Variants in ZNF609 observed in about 807,000 individuals in gnomAD.
The protein encoded by ZNF609 is zinc finger protein 609.
In ZNF609, 11 loss-of-function variants were observed where a neutral mutation model predicts 109.5. The observed-to-expected ratio is 0.10, with a 90% CI of 0.06 to 0.17. The LOEUF is 0.17. Ranked by LOEUF, ZNF609 falls within the 10% of genes least tolerant of loss-of-function variation. The pLI, the probability that ZNF609 is intolerant of heterozygous loss-of-function variation, is 1.00. For synonymous variants in ZNF609, 646 were observed against 662.0 expected (o/e 0.98, Z 0.37); for missense variants, 1,559 against 1,772.4 (o/e 0.88, Z 2.16).
rs141211167 is a variant in ZNF609, at chr15:64,472,385, C to T, written c.-128+11547C>T. Among the ~76,000 whole-genome samples, 6 of 152,238 alleles carry T rather than the reference C, an allele frequency of 3.9e-5. No homozygotes were observed. The East Asian group carries it at 1.2e-3, about 29-fold the overall frequency. Reference sequence around the variant, plus strand: ...GCTGGTACCACATTTCATGCTGGTACCTATAGTTTCTTAGACTGTAGTTCA... The same window carrying T: ...GCTGGTACCACATTTCATGCTGGTATCTATAGTTTCTTAGACTGTAGTTCA... On this transcript the variant is annotated intron_variant, in intron 1 of 9. Transcript: ENST00000326648.
intron 2 of ZNF609, among the ~76,000 whole-genome samples, chr15:64,580,955 CTTTTTTTTTT>C: frequency 1.7e-5 from 1 of 58,748 alleles, no homozygotes; most frequent in African/African-American, 7.8e-5. Flanking sequence ...TCAATGTCTT[CTTTTTTTTTT>C]TTTTTTTTTT....
intron 2 of ZNF609, chr15:64,528,995 T>G (rs1417948591): frequency 1.6e-5 from 24 of 1,511,606 alleles, no homozygotes; most frequent in African/African-American, 2.7e-5. Flanking sequence ...CCAGTGAGCT[T>G]CCCGTTCAGC....
chr15:64,521,749 G>A (rs1214284818), intron 2 of ZNF609, among the ~76,000 whole-genome samples: 1 of 152,130 alleles, frequency 6.6e-6, no homozygotes, highest in Admixed American at 6.5e-5. Flanking sequence ...TAGTGGCTAA[G>A]GAGACCAGTA....
intron 2 of ZNF609, among the ~76,000 whole-genome samples, chr15:64,605,073 C>T (rs535802984): frequency 1.3e-5 from 2 of 152,166 alleles, no homozygotes; most frequent in African/African-American, 4.8e-5. Flanking sequence ...CCTCGTGATC[C>T]GCCCACCTCA....
intron 1 of ZNF609, among the ~76,000 whole-genome samples, chr15:64,489,805 G>A (rs1893386738): frequency 6.6e-6 from 1 of 152,082 alleles, no homozygotes; most frequent in African/African-American, 2.4e-5. Context: ...TGGGATTACA[G>A]GCATGAGTCA....
intron 2 of ZNF609, among the ~76,000 whole-genome samples, chr15:64,507,911 T>C (rs1228994687): frequency 6.6e-6 from 1 of 152,044 alleles, no homozygotes; most frequent in Admixed American, 6.6e-5. Flanking sequence ...CTCGGTACAG[T>C]TTAGTCATGG....
At chr15:64,618,989 C>T (rs1410231066) in intron 2 of ZNF609, among the ~76,000 whole-genome samples, 17 of 152,064 alleles carry the variant, frequency 1.1e-4, no homozygotes, top group Non-Finnish European at 1.5e-5. Context: ...CTGATGGAGC[C>T]CTAGCCAGGG....
intron 1 of ZNF609, among the ~76,000 whole-genome samples, chr15:64,498,026 T>C (rs1277392755): frequency 6.6e-6 from 1 of 152,136 alleles, no homozygotes; most frequent in Admixed American, 6.5e-5. Flanking sequence ...CCAGGTTTTC[T>C]AGATGGCACA....
chr15:64,556,654 G>A (rs1235434353), intron 2 of ZNF609, among the ~76,000 whole-genome samples: 1 of 152,074 alleles, frequency 6.6e-6, no homozygotes, highest in Non-Finnish European at 1.5e-5. Flanking sequence ...TGCTTTACTA[G>A]TCTTTCACAT....
At chr15:64,592,963 G>T (rs886629608) in intron 2 of ZNF609, 2 of 1,010,492 alleles carry the variant, frequency 2.0e-6, no homozygotes, top group Non-Finnish European at 1.6e-6. Flanking sequence ...TGCTCTCTCC[G>T]GTCCGTGCCT....
chr15:64,670,368 G>C lies in ZNF609; in HGVS notation c.996G>C (p.Thr332=). 6.2e-7 allele frequency: 1 copy of C among 1,614,042 alleles called. No individual in the cohort carries two copies. The highest frequency in any genetic ancestry group is 2.2e-5 in the East Asian group (1 of 44,884). The change falls in exon 4 of 10, where the codon ACG becomes ACC. Residue 332 remains threonine, a synonymous_variant. Coordinates refer to ENST00000326648, the MANE Select transcript of ZNF609 (RefSeq NM_015042.2). Reference sequence around the variant, plus strand: ...CAGGGATGTTGGTGGTAAATGTAACGTGGAGGAACAAGACATATGTAGGTA... The same window carrying C: ...CAGGGATGTTGGTGGTAAATGTAACCTGGAGGAACAAGACATATGTAGGTA... ...TEDGMLVVNV[T]WRNKTYVGTL...
chr15:64,512,119 G>T (rs888534864), intron 2 of ZNF609, among the ~76,000 whole-genome samples: 1 of 151,922 alleles, frequency 6.6e-6, no homozygotes, highest in African/African-American at 2.4e-5. Flanking sequence ...TGTACAGGAT[G>T]CTTATGTTGG....
At chr15:64,593,519 T>C (rs1484521699) in intron 2 of ZNF609, among the ~76,000 whole-genome samples, 1 of 152,194 alleles carries the variant, frequency 6.6e-6, no homozygotes, top group Non-Finnish European at 1.5e-5. Flanking sequence ...AAATAAGTCA[T>C]CCAGAATGTT....
chr15:64,606,281 C>T (rs1895598207), intron 2 of ZNF609, among the ~76,000 whole-genome samples: 3 of 151,182 alleles, frequency 2.0e-5, no homozygotes, highest in Middle Eastern at 6.8e-3. Context: ...AATGTTAAAA[C>T]TTTCTGTAGG....
At chr15:64,610,341 G>A (rs1322677024) in intron 2 of ZNF609, among the ~76,000 whole-genome samples, 2 of 152,122 alleles carry the variant, frequency 1.3e-5, no homozygotes, top group Non-Finnish European at 2.9e-5. Context: ...AGAGTAGAGG[G>A]TGGGAGGAAA....
chr15:64,521,998 A>G (rs969612914), intron 2 of ZNF609, among the ~76,000 whole-genome samples: 1 of 152,216 alleles, frequency 6.6e-6, no homozygotes, highest in Admixed American at 6.5e-5. Flanking sequence ...GCACTTGGCC[A>G]ACTAATGCTG....
chr15:64,579,593 C>T (rs1306618656), intron 2 of ZNF609, among the ~76,000 whole-genome samples: 1 of 151,404 alleles, frequency 6.6e-6, no homozygotes, highest in East Asian at 1.9e-4. Flanking sequence ...GCCTGTAGTC[C>T]CAGCTACTTG....
chr15:64,544,975 T>C (rs1004754129), intron 2 of ZNF609, among the ~76,000 whole-genome samples: 14 of 152,204 alleles, frequency 9.2e-5, no homozygotes, highest in African/African-American at 3.4e-4. Flanking sequence ...TTCCCTATTA[T>C]GAGAAAACTG....
At chr15:64,542,630 G>C (rs1894284485) in intron 2 of ZNF609, among the ~76,000 whole-genome samples, 1 of 152,138 alleles carries the variant, frequency 6.6e-6, no homozygotes, top group Non-Finnish European at 1.5e-5. Flanking sequence ...TCTTGCTGAT[G>C]CTTAATGCAC....
Sources: allele counts gnomAD v4.1 joint callset (sites outside exome capture counted in the v4.1 genomes callset), GRCh38; gene constraint gnomAD v4.1.1; transcripts MANE v1.5; gene names NCBI Gene and HGNC (gene_info 2026-07-23, HGNC 2026-07-21).